The following CFAP221 variants were observed in gnomAD, a reference collection of about 807,000 sequenced individuals.
CFAP221 encodes cilia and flagella associated protein 221.
CFAP221 carries 97 observed loss-of-function variants against 113.1 expected under a neutral mutation model. The observed-to-expected ratio is 0.86, with a 90% CI of 0.73 to 1.02. The LOEUF (loss-of-function observed/expected upper bound fraction) is 1.02. Ranked by LOEUF, CFAP221 falls within the 50% of genes least tolerant of loss-of-function variation. The pLI is 0.00. For synonymous variants in CFAP221, 331 were observed against 354.4 expected (o/e 0.93, Z 0.74); for missense variants, 1,025 against 1,013.4 (o/e 1.01, Z -0.16).
chr2:119,579,481 G>T (rs972104617), intron 6 of CFAP221, among the ~76,000 whole-genome samples: 1 of 152,066 alleles, frequency 6.6e-6, no homozygotes, highest in Non-Finnish European at 1.5e-5. Flanking sequence ...AAATTCATCT[G>T]GACTGTCTTT....
chr2:119,572,708 G>T, intron 6 of CFAP221: 1 of 594,302 alleles, frequency 1.7e-6, no homozygotes, highest in South Asian at 2.1e-5. Context: ...CTGGGGAAGT[G>T]ATGACAAATC....
chr2:119,651,906 A>G (rs545443717), intron 22 of CFAP221, 68 bp from the exon 23 acceptor site: 5 of 1,250,240 alleles, frequency 4.0e-6, no homozygotes, highest in Non-Finnish European at 5.7e-6. Context: ...AATGATCACA[A>G]TATTTCATTC....
rs562862564 is a variant in CFAP221 at position 119,548,076 on chromosome 2, A to G, written c.140-1009A>G. Among the ~76,000 whole-genome samples the G allele has an allele frequency of 1.2e-4, 19 of 152,076 alleles. 1 individual carries two copies. Among genetic ancestry groups the G allele is most frequent in the African/African-American group, 4.3e-4 (18 of 41,518 alleles). Reference sequence around the variant, plus strand: ...TCTTCTGGGCTCAAGTGATCCTTGCACCTCAGCCTCCCATGTAGCTGGGAT... The same window carrying G: ...TCTTCTGGGCTCAAGTGATCCTTGCGCCTCAGCCTCCCATGTAGCTGGGAT... On this transcript the variant is annotated intron_variant, in intron 2 of 23. Coordinates refer to ENST00000413369, the MANE Select transcript of CFAP221 (RefSeq NM_001271049.2).
intron 11 of CFAP221, among the ~76,000 whole-genome samples, chr2:119,606,791 A>G (rs1024980070): frequency 5.9e-5 from 9 of 152,094 alleles, no homozygotes; most frequent in Non-Finnish European, 1.3e-4. Flanking sequence ...TGTTCCTTTA[A>G]TATTTTTCCC....
At chr2:119,619,174 A>G (rs1428877852) in intron 14 of CFAP221, among the ~76,000 whole-genome samples, 1 of 152,164 alleles carries the variant, frequency 6.6e-6, no homozygotes, top group Non-Finnish European at 1.5e-5. Context: ...GCAGACTTAA[A>G]CATTCCTGCC....
At chr2:119,544,785 A>G (rs1573959185) in intron 1 of CFAP221, among the ~76,000 whole-genome samples, 1 of 151,886 alleles carries the variant, frequency 6.6e-6, no homozygotes, top group South Asian at 2.1e-4. Context: ...CCGGGGTGAG[A>G]GAATGGGGCG....
intron 7 of CFAP221, among the ~76,000 whole-genome samples, chr2:119,597,068 A>T (rs1405451414): frequency 1.3e-5 from 2 of 152,246 alleles, no homozygotes; most frequent in East Asian, 3.8e-4. Flanking sequence ...CTGATATTTT[A>T]AAGACAATTT....
At chr2:119,545,842 C>T (rs1335865837) in intron 1 of CFAP221, among the ~76,000 whole-genome samples, 1 of 152,082 alleles carries the variant, frequency 6.6e-6, no homozygotes, top group Non-Finnish European at 1.5e-5. Context: ...AGGAAAAGCT[C>T]CTGGGGAGAA....
chr2:119,549,161 A>G lies in CFAP221; in HGVS notation c.216A>G (p.Val72=), dbSNP rs1374860624. The part of the protein sequence containing the change: ...PGIIHFGGYQ[V]EKQHQQILHL... ...TAATACATTTTGGAGGCTATCAAGT[A>G]GAAAAACAACACCAACAGATTCTGG... Residue 72 remains valine (V), a synonymous_variant, in exon 3 of 24, where the codon GTA becomes GTG. Transcript: ENST00000413369. The G allele has an allele frequency of 5.3e-5, 82 of 1,534,534 alleles. No individual in the cohort carries two copies. Among genetic ancestry groups the G allele is most frequent in the Non-Finnish European group, 5.1e-5 (59 of 1,146,386 alleles).
intron 5 of CFAP221, 28 bp from the exon 6 acceptor site, chr2:119,561,986 A>G (rs1416387910): frequency 1.4e-6 from 2 of 1,446,926 alleles, no homozygotes; most frequent in Admixed American, 4.1e-5. Flanking sequence ...TCAGAATGTT[A>G]AACTTGACTT....
chr2:119,546,364 A>G (rs773030822), intron 2 of CFAP221, 94 bp downstream of exon 2: 42 of 1,332,136 alleles, frequency 3.2e-5, no homozygotes, highest in Non-Finnish European at 4.0e-5. Context: ...GTGCTGATTT[A>G]TCTATATCAT....
At chr2:119,571,681 C>T (rs1682069701) in intron 6 of CFAP221, among the ~76,000 whole-genome samples, 1 of 151,754 alleles carries the variant, frequency 6.6e-6, no homozygotes, top group Non-Finnish European at 1.5e-5. Context: ...TGGTCTTGAA[C>T]TCCTGAGCTC....
At chr2:119,569,930 A>T (rs1355001742) in intron 6 of CFAP221, among the ~76,000 whole-genome samples, 1 of 152,200 alleles carries the variant, frequency 6.6e-6, no homozygotes, top group African/African-American at 2.4e-5. Context: ...AGCCCTTAGC[A>T]TATTAATTAT....
chr2:119,610,596 C>T (rs1035745111), intron 12 of CFAP221, among the ~76,000 whole-genome samples: 3 of 152,082 alleles, frequency 2.0e-5, no homozygotes, highest in Non-Finnish European at 4.4e-5. Context: ...GGTCTCCCCA[C>T]GAAATCTGTA....
At position 119,559,750 on chromosome 2, in the gene CFAP221, A is replaced by G; in HGVS notation, c.302A>G (p.Tyr101Cys). 1 of 1,529,534 alleles carries G rather than the reference A, an allele frequency of 6.5e-7. No individual in the cohort carries two copies. Among genetic ancestry groups the G allele is most frequent in the South Asian group, 1.2e-5 (1 of 83,876 alleles). 94.7% of individuals were successfully genotyped at this position (1,529,534 alleles called of 1,614,324 possible). A position where few individuals can be genotyped will look rare whatever the true frequency, so the allele number is the denominator to read the frequency against. Residue 101 changes from tyrosine to cysteine, a missense_variant, in exon 4 of 24, where the codon TAC (tyrosine) becomes TGC (cysteine). Transcript: ENST00000413369. ...RVHILPPQTK[Y>C]FEINYVRKEH... is the part of the protein sequence containing the mutation. ...CATATTTTACCCCCGCAAACCAAAT[A>G]CTTTGAGATCAATTATGTAAGAAAG...
At chr2:119,549,538 A>G (rs1024724368) in intron 3 of CFAP221, among the ~76,000 whole-genome samples, 2 of 152,228 alleles carry the variant, frequency 1.3e-5, no homozygotes, top group Non-Finnish European at 2.9e-5. Flanking sequence ...ATGAGGAAAC[A>G]GAGACTCCAA....
At chr2:119,644,463 TG>T (rs1687678915) in intron 21 of CFAP221, among the ~76,000 whole-genome samples, 2 of 152,308 alleles carry the variant, frequency 1.3e-5, no homozygotes, top group South Asian at 4.1e-4. Flanking sequence ...AGTAAAGTTT[TG>T]GTAGAATTTT....
chr2:119,638,460 G>A, intron 20 of CFAP221, 43 bp downstream of exon 20: 3 of 1,605,026 alleles, frequency 1.9e-6, no homozygotes, highest in Non-Finnish European at 2.6e-6. Flanking sequence ...ACCCTGGGCT[G>A]CAGGGAGGGG....
intron 14 of CFAP221, among the ~76,000 whole-genome samples, chr2:119,619,015 G>T (rs574015702): frequency 3.5e-3 from 537 of 152,236 alleles, no homozygotes; most frequent in Admixed American, 6.1e-3. Context: ...GCAAAACCAC[G>T]GTAGCCAGAC....
Sources: gnomAD v4.1 joint callset for allele counts (sites outside exome capture counted in the v4.1 genomes callset) on GRCh38, gnomAD v4.1.1 for gene constraint, MANE v1.5 for transcripts, NCBI Gene and HGNC (gene_info 2026-07-23, HGNC 2026-07-21) for gene names.